SLC39A11: variants seen among roughly 807,000 people sequenced by gnomAD.
SLC39A11 encodes zinc transporter ZIP11.
SLC39A11 carries 33 observed loss-of-function variants against 36.1 expected under a neutral mutation model. The ratio of observed to expected loss-of-function variants is 0.91; its 90% CI spans 0.69 to 1.22. SLC39A11 has a LOEUF of 1.22. Ranked by LOEUF, SLC39A11 falls within the 50% of genes most tolerant of loss-of-function variation. The probability of loss-of-function intolerance (pLI) is 0.00; values close to 1 mark genes in which losing one functional copy is unlikely to be tolerated. For synonymous variants in SLC39A11, 166 were observed against 170.3 expected (o/e 0.97, Z 0.20); for missense variants, 432 against 430.3 (o/e 1.00, Z -0.03).
At chr17:72,725,561 C>A (rs1447581246) in intron 7 of SLC39A11, 1 of 152,146 alleles carries the variant, frequency 6.6e-6, no homozygotes, top group Non-Finnish European at 1.5e-5. Flanking sequence ...CTGTACAAGC[C>A]GAACATAGAT....
intron 7 of SLC39A11, among the ~76,000 whole-genome samples, chr17:72,732,553 C>A (rs180677777): frequency 1.1e-4 from 16 of 152,128 alleles, no homozygotes; most frequent in Non-Finnish European, 1.8e-4. Context: ...TCCCTCGGTT[C>A]GGGTCTGTCT....
At chr17:72,788,931 T>C (rs1290530449) in intron 6 of SLC39A11, among the ~76,000 whole-genome samples, 3 of 152,212 alleles carry the variant, frequency 2.0e-5, no homozygotes, top group African/African-American at 7.2e-5. Flanking sequence ...AGTGATTTCA[T>C]TATAGCATGT....
intron 4 of SLC39A11, among the ~76,000 whole-genome samples, chr17:73,004,226 A>AGAAG (rs1568106147): frequency 2.3e-5 from 2 of 85,320 alleles, no homozygotes; most frequent in East Asian, 5.3e-4. Flanking sequence ...AAAGAAAGAA[A>AGAAG]GAAAGAAAAG....
At chr17:73,058,788 C>CT (rs1253096350) in intron 3 of SLC39A11, among the ~76,000 whole-genome samples, 3 of 152,160 alleles carry the variant, frequency 2.0e-5, no homozygotes, top group Non-Finnish European at 2.9e-5. Flanking sequence ...TAGGATCTGT[C>CT]TTTTGGCAGA....
intron 7 of SLC39A11, among the ~76,000 whole-genome samples, chr17:72,705,974 C>T (rs934360896): frequency 3.3e-5 from 5 of 152,188 alleles, no homozygotes; most frequent in Non-Finnish European, 7.3e-5. Context: ...TTCCAAGGCC[C>T]CCAGAAAACT....
intron 6 of SLC39A11, among the ~76,000 whole-genome samples, chr17:72,762,501 A>AC (rs981659647): frequency 7.9e-5 from 12 of 152,032 alleles, no homozygotes; most frequent in African/African-American, 2.9e-4. Flanking sequence ...TGAATAATCC[A>AC]CCCCTTGTTT....
chr17:72,889,530 C>A (rs1408395132), intron 5 of SLC39A11, among the ~76,000 whole-genome samples: 1 of 110,552 alleles, frequency 9.0e-6, no homozygotes, highest in East Asian at 3.5e-4. Flanking sequence ...GAGGGAGACT[C>A]CATCTCAAAA....
chr17:72,685,162 G>GC (rs113235542), intron 7 of SLC39A11, among the ~76,000 whole-genome samples: 37,590 of 152,100 alleles, frequency 0.25, 5,669 homozygotes, highest in East Asian at 0.43. Context: ...ATGAGACAGG[G>GC]CCAGGCTCTT....
At chr17:72,740,609 T>C (rs1054605592) in intron 6 of SLC39A11, among the ~76,000 whole-genome samples, 1 of 152,124 alleles carries the variant, frequency 6.6e-6, no homozygotes, top group African/African-American at 2.4e-5. Context: ...AATGGTACTT[T>C]GTGTGGGTCC....
At chr17:72,999,717 T>G (rs565458196) in intron 4 of SLC39A11, among the ~76,000 whole-genome samples, 6 of 152,114 alleles carry the variant, frequency 3.9e-5, no homozygotes, top group Non-Finnish European at 8.8e-5. Context: ...TTCTTTTATT[T>G]TAGCTATCCT....
intron 5 of SLC39A11, among the ~76,000 whole-genome samples, chr17:72,918,752 C>A (rs183038409): frequency 2.6e-5 from 4 of 152,248 alleles, no homozygotes; most frequent in African/African-American, 9.6e-5. Flanking sequence ...GAAAGAAGGG[C>A]CCCCGGCCAG....
At chr17:72,764,072 TA>T (rs1211285326) in intron 6 of SLC39A11, among the ~76,000 whole-genome samples, 1 of 152,122 alleles carries the variant, frequency 6.6e-6, no homozygotes, top group Non-Finnish European at 1.5e-5. Flanking sequence ...TGTGGGCTGC[TA>T]TTTTGCCAGG....
At chr17:73,038,955 C>T (rs1321256493) in intron 3 of SLC39A11, among the ~76,000 whole-genome samples, 2 of 152,118 alleles carry the variant, frequency 1.3e-5, no homozygotes, top group Non-Finnish European at 2.9e-5. Flanking sequence ...CAAGACCCAT[C>T]TCCCATGCCC....
intron 4 of SLC39A11, among the ~76,000 whole-genome samples, chr17:72,997,545 G>A (rs537585279): frequency 6.6e-5 from 10 of 152,126 alleles, no homozygotes; most frequent in Non-Finnish European, 8.8e-5. Flanking sequence ...GAGCCACCAC[G>A]CCCAGCCAGA....
chr17:72,647,394 T>G lies in SLC39A11; in HGVS notation c.*190A>C. The G allele has an allele frequency of 2.3e-6, 1 of 439,238 alleles. No individual in the cohort carries two copies. Among genetic ancestry groups the G allele is most frequent in the East Asian group, 3.7e-5 (1 of 26,898 alleles). The allele number at this position is 439,238 out of a possible 1,614,324, so 27.2% of individuals were successfully genotyped here. On this transcript the variant is annotated 3_prime_UTR_variant, in exon 10 of 10. Transcript: ENST00000255559. Reference sequence around the variant, plus strand: ...TTCCATGACACCTTAAAATTCCCCATTAAATCAAAAATCTCCCTCAAAGCA... The same window carrying G: ...TTCCATGACACCTTAAAATTCCCCAGTAAATCAAAAATCTCCCTCAAAGCA...
intron 7 of SLC39A11, among the ~76,000 whole-genome samples, chr17:72,676,379 A>T (rs1029432515): frequency 1.2e-4 from 19 of 152,104 alleles, no homozygotes; most frequent in African/African-American, 4.6e-4. Flanking sequence ...AGATGGAGAG[A>T]GGGTGGTTCC....
intron 4 of SLC39A11, among the ~76,000 whole-genome samples, chr17:72,964,231 A>G (rs115622483): frequency 1.2e-3 from 186 of 152,378 alleles, no homozygotes; most frequent in African/African-American, 4.3e-3. Context: ...AGACCACTGC[A>G]GGACAGAATT....
intron 6 of SLC39A11, among the ~76,000 whole-genome samples, chr17:72,818,247 A>T: frequency 6.6e-6 from 1 of 152,132 alleles, no homozygotes; most frequent in East Asian, 1.9e-4. Flanking sequence ...TCTTGACCCG[A>T]AAGGTCAAGC....
intron 5 of SLC39A11, among the ~76,000 whole-genome samples, chr17:72,861,743 TATATATATATATATATATA>T (rs2080040734): frequency 4.3e-4 from 1 of 2,344 alleles, no homozygotes; most frequent in African/African-American, 2.2e-3. Context: ...TTGGAGATTA[TATATATATATATATATATA>T]TATATATATA....
Sources: allele counts gnomAD v4.1 joint callset (sites outside exome capture counted in the v4.1 genomes callset), GRCh38; gene constraint gnomAD v4.1.1; transcripts MANE v1.5; gene names NCBI Gene and HGNC (gene_info 2026-07-23, HGNC 2026-07-21).